The following HS2ST1 variants were observed in gnomAD, a reference collection of about 807,000 sequenced individuals.
HS2ST1 encodes the protein heparan sulfate 2-O-sulfotransferase 1, also known as 2-O-sulfotransferase.
HS2ST1 carries 18 observed loss-of-function variants against 42.9 expected under a neutral mutation model. The ratio of observed to expected loss-of-function variants is 0.42; its 90% CI spans 0.29 to 0.62. HS2ST1 has a LOEUF of 0.62. Ranked by LOEUF, HS2ST1 falls within the 20% of genes least tolerant of loss-of-function variation. The pLI is 0.21. For missense variants in HS2ST1, 334 were observed against 433.8 expected, an observed-to-expected ratio of 0.77 and a Z score of 2.04; for synonymous variants, 146 against 152.9, an observed-to-expected ratio of 0.95 and a Z score of 0.33.
At chr1:87,080,294 A>C (rs1462232873) in intron 2 of HS2ST1, among the ~76,000 whole-genome samples, 1 of 152,308 alleles carries the variant, frequency 6.6e-6, no homozygotes, top group South Asian at 2.1e-4. Flanking sequence ...AGTAGTGATC[A>C]GGGTGAATGG....
chr1:86,915,023 G>A lies in HS2ST1; in HGVS notation c.-14G>A. On this transcript the variant is annotated 5_prime_UTR_variant, in exon 1 of 7. Transcript: ENST00000370550. The stretch of plus-strand genomic sequence containing the variant: ...GCCCCCCGCGGTATGTCTTGATCCC[G>A]AGCAGCGGGTTTCATGGGGCTCCTC... 4 of 1,613,950 alleles carry A rather than the reference G, an allele frequency of 2.5e-6. No homozygotes were observed. Among genetic ancestry groups the A allele is most frequent in the Non-Finnish European group, 3.4e-6 (4 of 1,179,980 alleles).
chr1:86,993,121 A>T, intron 1 of HS2ST1: 2 of 1,601,878 alleles, frequency 1.2e-6, no homozygotes, highest in African/African-American at 1.3e-5. Flanking sequence ...AGTATTCAGT[A>T]TGCCAGGTAC....
rs11161933 is a variant in HS2ST1 at position 87,084,570 on chromosome 1, A to G, written c.449+291A>G. On this transcript the variant is annotated intron_variant, in intron 3 of 6. Transcript: ENST00000370550. ...AATGACACTACTTCAGGAGAGCTCA[A>G]GTTATAACCTAGAGGCCAGATTATG... Among the ~76,000 whole-genome samples, 5,551 of 152,188 alleles carry G rather than the reference A, an allele frequency of 0.036. 210 individuals carry two copies. Among genetic ancestry groups the G allele is most frequent in the African/African-American group, 0.095 (3,949 of 41,524 alleles).
rs535436649 is a variant in HS2ST1 at position 86,937,357 on chromosome 1, A to C, written c.124+22197A>C. On this transcript the variant is annotated intron_variant, in intron 1 of 6. Coordinates refer to ENST00000370550, the MANE Select transcript of HS2ST1 (RefSeq NM_012262.4). ...TGGATATGGAATTAAGTGTGGGAAT[A>C]CAAGGAAATTAATATTTTATATTTA... 4.0e-4 allele frequency among the ~76,000 whole-genome samples: 61 copies of C among 152,316 alleles called. 2 individuals are homozygous for C. The South Asian group carries it at 0.012, about 31-fold the overall frequency.
At chr1:86,922,435 G>A (rs1660319854) in intron 1 of HS2ST1, among the ~76,000 whole-genome samples, 1 of 151,552 alleles carries the variant, frequency 6.6e-6, no homozygotes, top group South Asian at 2.1e-4. Context: ...GTGTGTGTGT[G>A]TGTGTGTGTG....
intron 5 of HS2ST1, 166 bp downstream of exon 5, chr1:87,098,101 A>G (rs1359561239): frequency 2.1e-6 from 3 of 1,402,576 alleles, no homozygotes; most frequent in East Asian, 5.4e-5. Context: ...AATGCATTTA[A>G]AAGATTCCTC....
intron 1 of HS2ST1, among the ~76,000 whole-genome samples, chr1:87,063,761 G>A (rs1397721891): frequency 6.6e-6 from 1 of 152,148 alleles, no homozygotes; most frequent in Non-Finnish European, 1.5e-5. Context: ...GCTGCTTTAA[G>A]TCTTTGATAA....
chr1:87,013,943 C>T (rs1294149023), intron 1 of HS2ST1, among the ~76,000 whole-genome samples: 2 of 152,134 alleles, frequency 1.3e-5, no homozygotes, highest in Admixed American at 1.3e-4. Context: ...TATTTTAGTT[C>T]CCAGAAGTTT....
At chr1:86,937,047 G>A (rs1419555427) in intron 1 of HS2ST1, among the ~76,000 whole-genome samples, 1 of 151,810 alleles carries the variant, frequency 6.6e-6, no homozygotes, top group Non-Finnish European at 1.5e-5. Context: ...GGAGGTTGCA[G>A]TAAGCTGAGA....
chr1:87,088,417 T>C lies in HS2ST1; in HGVS notation c.450-4114T>C, dbSNP rs568099108. 1.2e-3 allele frequency among the ~76,000 whole-genome samples: 180 copies of C among 152,232 alleles called. 1 individual carries two copies. Among genetic ancestry groups the C allele is most frequent in the African/African-American group, 4.1e-3 (169 of 41,566 alleles). On this transcript the variant is annotated intron_variant, in intron 3 of 6. Transcript: ENST00000370550. ...CACATATCAGTAGTTAGTTCCTTGC[T>C]AAGTAGTACTTCATGTATGGGTGTA...
At chr1:87,033,765 A>G (rs1650299063) in intron 1 of HS2ST1, among the ~76,000 whole-genome samples, 1 of 152,186 alleles carries the variant, frequency 6.6e-6, no homozygotes, top group Admixed American at 6.5e-5. Context: ...ACTGGTCTCA[A>G]ACTCCTGACC....
chr1:86,949,592 C>G (rs1647443747), intron 1 of HS2ST1, among the ~76,000 whole-genome samples: 1 of 152,152 alleles, frequency 6.6e-6, no homozygotes, highest in Non-Finnish European at 1.5e-5. Context: ...AAAAGATTCT[C>G]TAAGCTTACC....
At chr1:87,023,238 C>A (rs1462260003) in intron 1 of HS2ST1, among the ~76,000 whole-genome samples, 1 of 151,998 alleles carries the variant, frequency 6.6e-6, no homozygotes, top group Non-Finnish European at 1.5e-5. Flanking sequence ...AATCTGCAAA[C>A]TCTAGTTATC....
intron 2 of HS2ST1, among the ~76,000 whole-genome samples, chr1:87,081,994 GAAA>G (rs11377056): frequency 6.9e-6 from 1 of 145,392 alleles, no homozygotes; most frequent in African/African-American, 2.5e-5. Flanking sequence ...AGAAAAAAAA[GAAA>G]AAAAAAGAAG....
intron 1 of HS2ST1, among the ~76,000 whole-genome samples, chr1:87,007,013 C>T (rs1649458724): frequency 6.6e-6 from 1 of 151,988 alleles, no homozygotes; most frequent in Non-Finnish European, 1.5e-5. Context: ...GTGAGTAATG[C>T]TGTCCATTGC....
chr1:87,002,664 C>G (rs1649324465), intron 1 of HS2ST1, among the ~76,000 whole-genome samples: 1 of 151,712 alleles, frequency 6.6e-6, no homozygotes, highest in South Asian at 2.1e-4. Flanking sequence ...GTCTCATTCA[C>G]TATGTAGTTT....
intron 1 of HS2ST1, among the ~76,000 whole-genome samples, chr1:86,971,082 T>G (rs2102209311): frequency 6.6e-6 from 1 of 152,294 alleles, no homozygotes; most frequent in South Asian, 2.1e-4. Flanking sequence ...CTAATTTTAT[T>G]AGTTCATTCA....
Position 87,072,940 on chromosome 1 carries a change from CT to C in HS2ST1, c.132del (p.Ile45LeufsTer24). The C allele has an allele frequency of 6.2e-7, 1 of 1,612,412 alleles. No homozygotes were observed. The highest frequency in any genetic ancestry group is 8.5e-7 in the Non-Finnish European group (1 of 1,178,596). ...LEESRSKLER[A>X]IARHEVREIE... ...TATCTGTTTTTCTTTCCAGAAAGGG[CT>C]ATTGCAAGACACGAAGTCCGAGAAA... On this transcript the variant is annotated frameshift_variant, in exon 2 of 7. Coordinates refer to ENST00000370550, the MANE Select transcript of HS2ST1 (RefSeq NM_012262.4). LOFTEE classifies it high-confidence loss of function.
intron 2 of HS2ST1, among the ~76,000 whole-genome samples, chr1:87,076,500 TTAGA>T (rs1203876288): frequency 6.6e-6 from 1 of 152,184 alleles, no homozygotes; most frequent in Non-Finnish European, 1.5e-5. Flanking sequence ...TTTCTGTAGT[TTAGA>T]AATTTTTTTA....
Sources: allele counts gnomAD v4.1 joint callset (sites outside exome capture counted in the v4.1 genomes callset), GRCh38; gene constraint gnomAD v4.1.1; transcripts MANE v1.5; gene names NCBI Gene and HGNC (gene_info 2026-07-23, HGNC 2026-07-21).